USP31: variants seen among roughly 807,000 people sequenced by gnomAD.
USP31 encodes the protein ubiquitin specific peptidase 31, also known as ubiquitin carboxyl-terminal hydrolase 31.
Under a neutral mutation model 119.4 loss-of-function variants are expected in USP31, and 44 were observed. The observed-to-expected ratio is 0.37, with a 90% CI of 0.29 to 0.47. USP31 has a LOEUF of 0.47. Among genes scored for constraint, USP31 ranks in the 20% least tolerant of loss-of-function variants. The probability of loss-of-function intolerance (pLI) is 0.99; values close to 1 mark genes in which losing one functional copy is unlikely to be tolerated. For synonymous variants in USP31, 749 were observed against 705.6 expected, an observed-to-expected ratio of 1.06 and a Z score of -0.97; for missense variants, 1,643 against 1,730.2, an observed-to-expected ratio of 0.95 and a Z score of 0.89.
At chr16:23,105,320 A>T in intron 5 of USP31, 121 bp downstream of exon 5, 1 of 1,276,966 alleles carries the variant, frequency 7.8e-7, no homozygotes, top group Non-Finnish European at 1.0e-6. Flanking sequence ...CTAAACTCTA[A>T]ATGCAACTGG....
At chr16:23,140,570 C>T (rs1192960844) in intron 1 of USP31, among the ~76,000 whole-genome samples, 1 of 152,196 alleles carries the variant, frequency 6.6e-6, no homozygotes, top group Non-Finnish European at 1.5e-5. Context: ...CGTCTCTCTT[C>T]CCCTTAACTA....
chr16:23,090,648 G>C lies in USP31; in HGVS notation c.1391C>G (p.Ala464Gly), dbSNP rs765434167. Residue 464 changes from alanine (A) to glycine (G), a missense_variant, in exon 7 of 16, where the codon GCC (alanine) becomes GGC (glycine). Coordinates refer to ENST00000219689, the MANE Select transcript of USP31 (RefSeq NM_020718.4). Reference protein sequence around the residue: ...DKIVLLVCNRACTGQQGKRFG... With the variant: ...DKIVLLVCNRGCTGQQGKRFG... The stretch of plus-strand genomic sequence containing the variant: ...CCTTTTCCCTTGTTGCCCAGTGCAG[G>C]CTCGGTTACACACCAACAGGACAAT... 1 of 1,613,066 alleles carries C rather than the reference G, an allele frequency of 6.2e-7. No homozygotes were observed. Among genetic ancestry groups the C allele is most frequent in the South Asian group, 1.1e-5 (1 of 90,964 alleles).
rs1900023845 is a variant in USP31 at position 23,065,345 on chromosome 16, G to GA, written c.*2700dup. The stretch of plus-strand genomic sequence containing the variant: ...ATTAAAAAAAAAAAAAAAAAGAAAA[G>GA]AAAGAAAGAAACCAACACCAAGTCC... On this transcript the variant is annotated 3_prime_UTR_variant, in exon 16 of 16. Coordinates refer to ENST00000219689, the MANE Select transcript of USP31 (RefSeq NM_020718.4). 4 of 140,000 alleles carry GA rather than the reference G, an allele frequency of 2.9e-5. No homozygotes were observed. The highest frequency in any genetic ancestry group is 7.1e-5 in the Admixed American group (1 of 14,174). 8.7% of individuals were successfully genotyped at this position (140,000 alleles called of 1,614,324 possible). A position where few individuals can be genotyped will look rare whatever the true frequency, so the allele number is the denominator to read the frequency against.
At chr16:23,129,806 G>T (rs1902972141) in intron 1 of USP31, among the ~76,000 whole-genome samples, 1 of 152,136 alleles carries the variant, frequency 6.6e-6, no homozygotes, top group South Asian at 2.1e-4. Flanking sequence ...CCAACTACAG[G>T]GGTTAGGGGA....
At chr16:23,129,620 A>G (rs1902965316) in intron 1 of USP31, among the ~76,000 whole-genome samples, 1 of 152,226 alleles carries the variant, frequency 6.6e-6, no homozygotes, top group Non-Finnish European at 1.5e-5. Context: ...ATGCAGGTTC[A>G]TCGTACTGCT....
chr16:23,096,721 A>C (rs1901629614), intron 6 of USP31, among the ~76,000 whole-genome samples: 1 of 152,260 alleles, frequency 6.6e-6, no homozygotes, highest in African/African-American at 2.4e-5. Context: ...ATGGAAACTG[A>C]AGAACCTGCT....
chr16:23,087,161 A>C lies in USP31; in HGVS notation c.1553T>G (p.Val518Gly), dbSNP rs1901148174. 1 of 1,613,658 alleles carries C rather than the reference A, an allele frequency of 6.2e-7. No homozygotes were observed. Among genetic ancestry groups the C allele is most frequent in the Non-Finnish European group, 8.5e-7 (1 of 1,179,850 alleles). Reference sequence around the variant, plus strand: ...CAAATATGTTATTCCAACAACACTGACCACACGCAAGCTGAATGGACACAC... The same window carrying C: ...CAAATATGTTATTCCAACAACACTGCCCACACGCAAGCTGAATGGACACAC... ...IQVCPFSLRV[V>G]SVVGITYLLP... is the part of the protein sequence containing the mutation. Residue 518 changes from valine to glycine, a missense_variant, in exon 9 of 16, where the codon GTC becomes GGC. Coordinates refer to ENST00000219689, the MANE Select transcript of USP31 (RefSeq NM_020718.4).
chr16:23,083,851 A>G (rs1900964761), intron 11 of USP31, among the ~76,000 whole-genome samples: 1 of 152,232 alleles, frequency 6.6e-6, no homozygotes, highest in Non-Finnish European at 1.5e-5. Context: ...AAATAATATT[A>G]GGACTTCTGA....
intron 1 of USP31, among the ~76,000 whole-genome samples, chr16:23,125,897 G>A (rs1440501110): frequency 1.3e-5 from 2 of 152,118 alleles, no homozygotes; most frequent in African/African-American, 4.8e-5. Flanking sequence ...CTAGAGTTTG[G>A]AAACAGCCTT....
chr16:23,069,859 G>A (rs1053420138), intron 15 of USP31, among the ~76,000 whole-genome samples: 11 of 152,106 alleles, frequency 7.2e-5, no homozygotes, highest in Non-Finnish European at 1.6e-4. Flanking sequence ...ACTTCTATTC[G>A]CCTCCTTGCC....
At chr16:23,091,113 T>G (rs951624346) in intron 6 of USP31, among the ~76,000 whole-genome samples, 3 of 152,146 alleles carry the variant, frequency 2.0e-5, no homozygotes, top group Non-Finnish European at 4.4e-5. Context: ...ACCAAGAAAA[T>G]TTAGTGAGGT....
At chr16:23,071,650 C>T (rs1367976802) in intron 15 of USP31, among the ~76,000 whole-genome samples, 1 of 151,768 alleles carries the variant, frequency 6.6e-6, no homozygotes, top group African/African-American at 2.4e-5. Flanking sequence ...CAGGGGCCTC[C>T]ATGCCAAGCC....
chr16:23,132,524 A>G (rs1487352173), intron 1 of USP31, among the ~76,000 whole-genome samples: 1 of 152,190 alleles, frequency 6.6e-6, no homozygotes, highest in Non-Finnish European at 1.5e-5. Flanking sequence ...GCAGAGTCAA[A>G]CTAAAAACTT....
rs746186960 is a variant in USP31, at chr16:23,068,159, G to A, written c.3946C>T (p.Leu1316=). ...LSARKSKSSQ[L]DSGVPSSPGG... ...GGAGACGAGGGAACTCCAGAGTCTAGTTGGGAAGACTTGGATTTGCGAGCG... is the reference window on the plus strand; with the variant it reads ...GGAGACGAGGGAACTCCAGAGTCTAATTGGGAAGACTTGGATTTGCGAGCG... The change falls in exon 16 of 16, where the codon CTA becomes TTA. Residue 1316 remains leucine (L), a synonymous_variant. Coordinates refer to ENST00000219689, the MANE Select transcript of USP31 (RefSeq NM_020718.4). 9.3e-6 allele frequency: 15 copies of A among 1,614,120 alleles called. No homozygotes were observed. The highest frequency in any genetic ancestry group is 2.5e-6 in the Non-Finnish European group (3 of 1,180,060).
chr16:23,102,621 A>G (rs527834148), intron 5 of USP31, among the ~76,000 whole-genome samples, 158 bp from the exon 6 acceptor site: 35 of 152,342 alleles, frequency 2.3e-4, no homozygotes, highest in Middle Eastern at 3.4e-3. Context: ...GAATCCTGGA[A>G]GCACAGTACC....
At chr16:23,145,653 C>T (rs12920667) in intron 1 of USP31, among the ~76,000 whole-genome samples, 1 of 151,964 alleles carries the variant, frequency 6.6e-6, no homozygotes, top group East Asian at 1.9e-4. Context: ...GGTGACAAAC[C>T]TAAGAACAAA....
chr16:23,068,061 A>C lies in USP31; in HGVS notation c.4044T>G (p.Ser1348=). The C allele has an allele frequency of 1.2e-6, 2 of 1,608,314 alleles. No homozygotes were observed. Among genetic ancestry groups the C allele is most frequent in the South Asian group, 2.2e-5 (2 of 90,172 alleles). The change falls in exon 16 of 16, where the codon TCT becomes TCG. Residue 1348 remains serine, a synonymous_variant. Transcript: ENST00000219689. ...SSSMQTSARP[S]QKPQ The stretch of plus-strand genomic sequence containing the variant: ...TGCAGAAATATCACTGAGGTTTTTG[A>C]GAAGGCCGTGCAGAGGTTTGCATGC...
chr16:23,118,351 A>C (rs1363753184), intron 1 of USP31, among the ~76,000 whole-genome samples: 1 of 152,240 alleles, frequency 6.6e-6, no homozygotes, highest in East Asian at 1.9e-4. Context: ...GAAAATATCT[A>C]AAGCATTAGT....
At chr16:23,133,210 A>G (rs1388250869) in intron 1 of USP31, among the ~76,000 whole-genome samples, 2 of 152,228 alleles carry the variant, frequency 1.3e-5, no homozygotes, top group Non-Finnish European at 1.5e-5. Flanking sequence ...CCCCTCTCAA[A>G]GCTTAAAGCC....
Sources: allele counts gnomAD v4.1 joint callset (sites outside exome capture counted in the v4.1 genomes callset), GRCh38; gene constraint gnomAD v4.1.1; transcripts MANE v1.5; gene names NCBI Gene and HGNC (gene_info 2026-07-23, HGNC 2026-07-21).